CADPS2: variants seen among roughly 807,000 people sequenced by gnomAD.
CADPS2 encodes calcium-dependent secretion activator 2.
In CADPS2, 93 loss-of-function variants were observed where a neutral mutation model predicts 172.5. That is an observed-to-expected ratio of 0.54 (90% CI 0.46 to 0.64). The LOEUF is 0.64. Among genes scored for constraint, CADPS2 ranks in the 30% least tolerant of loss-of-function variants. CADPS2 has a pLI of 0.00. For synonymous variants in CADPS2, 546 were observed against 555.2 expected (o/e 0.98, Z 0.23); for missense variants, 1,420 against 1,565.9 (o/e 0.91, Z 1.57).
chr7:122,573,978 A>G (rs994428297), intron 7 of CADPS2, among the ~76,000 whole-genome samples: 7 of 152,162 alleles, frequency 4.6e-5, no homozygotes, highest in African/African-American at 1.7e-4. Context: ...TCAGACATAC[A>G]CACTTACTGG....
intron 17 of CADPS2, among the ~76,000 whole-genome samples, chr7:122,426,441 T>C (rs2049183925): frequency 7.6e-6 from 1 of 132,004 alleles, no homozygotes; most frequent in South Asian, 2.4e-4. Context: ...CTCTTTGAAA[T>C]TAAAATATAA....
chr7:122,410,352 C>CA (rs1563267241), intron 19 of CADPS2, among the ~76,000 whole-genome samples: 2 of 148,414 alleles, frequency 1.3e-5, no homozygotes, highest in Non-Finnish European at 3.0e-5. Context: ...TTAAAAAAAA[C>CA]AAAAAACAAA....
At chr7:122,805,905 A>G (rs1737966617) in intron 1 of CADPS2, among the ~76,000 whole-genome samples, 1 of 152,258 alleles carries the variant, frequency 6.6e-6, no homozygotes, top group African/African-American at 2.4e-5. Flanking sequence ...CAGCTGTAAC[A>G]TTAGCTCTTC....
intron 2 of CADPS2, among the ~76,000 whole-genome samples, chr7:122,731,957 C>A (rs1449185652): frequency 6.6e-6 from 1 of 151,596 alleles, no homozygotes; most frequent in Non-Finnish European, 1.5e-5. Flanking sequence ...ATTCTTGTTA[C>A]TTATAATACT....
intron 25 of CADPS2, among the ~76,000 whole-genome samples, chr7:122,376,715 C>T (rs2042404778): frequency 6.6e-6 from 1 of 152,064 alleles, no homozygotes; most frequent in East Asian, 1.9e-4. Flanking sequence ...ACTGTTATCA[C>T]ACACAGAAAT....
chr7:122,470,989 G>A (rs928970851), intron 14 of CADPS2, among the ~76,000 whole-genome samples: 2 of 152,172 alleles, frequency 1.3e-5, no homozygotes, highest in African/African-American at 4.8e-5. Flanking sequence ...CAGAGGAAAA[G>A]CAATGATCAT....
intron 3 of CADPS2, among the ~76,000 whole-genome samples, chr7:122,643,821 T>C (rs2077974346): frequency 6.6e-6 from 1 of 152,060 alleles, no homozygotes; most frequent in Non-Finnish European, 1.5e-5. Context: ...CTTGGCACGG[T>C]AGCTTATGCC....
chr7:122,591,495 T>A (rs1044459611), intron 6 of CADPS2, among the ~76,000 whole-genome samples: 60 of 152,178 alleles, frequency 3.9e-4, no homozygotes, highest in African/African-American at 1.4e-3. Flanking sequence ...ACTTTAAAGT[T>A]CATATTGAAC....
chr7:122,872,679 A>G (rs982784422), intron 1 of CADPS2, among the ~76,000 whole-genome samples: 45 of 152,120 alleles, frequency 3.0e-4, no homozygotes, highest in African/African-American at 9.7e-4. Context: ...AACCAAATTA[A>G]GGCTCTCATC....
At chr7:122,368,399 A>G (rs1477214660) in intron 25 of CADPS2, among the ~76,000 whole-genome samples, 1 of 152,114 alleles carries the variant, frequency 6.6e-6, no homozygotes, top group East Asian at 1.9e-4. Context: ...TGAGTTCTGC[A>G]TGGTGTTGTG....
At chr7:122,756,091 T>TG (rs1321545371) in intron 1 of CADPS2, among the ~76,000 whole-genome samples, 1 of 152,226 alleles carries the variant, frequency 6.6e-6, no homozygotes, top group Admixed American at 6.5e-5. Flanking sequence ...AGCCAAATGT[T>TG]GAAGTTTTTT....
At chr7:122,370,674 T>C (rs1373535774) in intron 25 of CADPS2, among the ~76,000 whole-genome samples, 1 of 152,138 alleles carries the variant, frequency 6.6e-6, no homozygotes, top group Non-Finnish European at 1.5e-5. Flanking sequence ...TAGGAAGATG[T>C]AAGATGTCTT....
chr7:122,428,117 A>G (rs1351594796), intron 17 of CADPS2, among the ~76,000 whole-genome samples: 2 of 152,210 alleles, frequency 1.3e-5, no homozygotes, highest in Non-Finnish European at 2.9e-5. Context: ...TGTGTGGCCC[A>G]TGAACCACTG....
chr7:122,884,081 CT>C (rs1823657613), intron 1 of CADPS2, among the ~76,000 whole-genome samples: 1 of 152,098 alleles, frequency 6.6e-6, no homozygotes, highest in Non-Finnish European at 1.5e-5. Context: ...TATAAATCAA[CT>C]CATAGTAAAT....
chr7:122,659,627 G>A (rs1230539232), intron 3 of CADPS2, among the ~76,000 whole-genome samples: 1 of 151,876 alleles, frequency 6.6e-6, no homozygotes, highest in Non-Finnish European at 1.5e-5. Context: ...AATAGACACT[G>A]ACCCACAGAT....
At chr7:122,779,391 G>A (rs1792073672) in intron 1 of CADPS2, among the ~76,000 whole-genome samples, 1 of 152,104 alleles carries the variant, frequency 6.6e-6, no homozygotes, top group Non-Finnish European at 1.5e-5. Flanking sequence ...TTCTTGTGGT[G>A]GAGGTCAGCA....
intron 15 of CADPS2, among the ~76,000 whole-genome samples, chr7:122,441,924 G>A (rs551780206): frequency 6.6e-6 from 1 of 152,168 alleles, no homozygotes; most frequent in East Asian, 1.9e-4. Flanking sequence ...CAAGTTCTAA[G>A]AGAAAATGAA....
chr7:122,592,189 A>C (rs1445025066), intron 6 of CADPS2, among the ~76,000 whole-genome samples: 1 of 152,216 alleles, frequency 6.6e-6, no homozygotes. Context: ...AGATGAACAG[A>C]CACTTCTCAA....
chr7:122,848,063 T>C (rs1812515219), intron 1 of CADPS2, among the ~76,000 whole-genome samples: 1 of 152,242 alleles, frequency 6.6e-6, no homozygotes, highest in Non-Finnish European at 1.5e-5. Flanking sequence ...TCTTTGCCTA[T>C]GGCTAAGTTT....
Sources: gnomAD v4.1 joint callset for allele counts (sites outside exome capture counted in the v4.1 genomes callset) on GRCh38, gnomAD v4.1.1 for gene constraint, MANE v1.5 for transcripts, NCBI Gene and HGNC (gene_info 2026-07-23, HGNC 2026-07-21) for gene names.